The following SLC9A9 variants were observed in gnomAD, a reference collection of about 807,000 sequenced individuals.
SLC9A9 encodes solute carrier family 9 member A9.
In SLC9A9, 62 loss-of-function variants were observed where a neutral mutation model predicts 77.8. That is an observed-to-expected ratio of 0.80 (90% CI 0.65 to 0.98). SLC9A9 has a LOEUF of 0.98. SLC9A9 is among the 50% of genes least tolerant of loss of function. The pLI, the probability that SLC9A9 is intolerant of heterozygous loss-of-function variation, is 0.00. For missense variants in SLC9A9, 775 were observed against 774.9 expected (o/e 1.00, Z 0.00); for synonymous variants, 320 against 283.5 (o/e 1.13, Z -1.29).
At chr3:143,704,388 A>G (rs1170818462) in intron 4 of SLC9A9, among the ~76,000 whole-genome samples, 4 of 152,226 alleles carry the variant, frequency 2.6e-5, no homozygotes. Context: ...ACGAAGTGGA[A>G]TTTATCCCAG....
chr3:143,755,153 A>C (rs1307767321), intron 4 of SLC9A9, among the ~76,000 whole-genome samples: 1 of 152,168 alleles, frequency 6.6e-6, no homozygotes, highest in Admixed American at 6.5e-5. Context: ...GTGTTTGCAC[A>C]ATAGGTGATT....
chr3:143,539,080 C>T (rs1339379059), intron 9 of SLC9A9, among the ~76,000 whole-genome samples: 1 of 152,076 alleles, frequency 6.6e-6, no homozygotes, highest in Non-Finnish European at 1.5e-5. Flanking sequence ...AAAAATACAA[C>T]AGTAATAGTT....
chr3:143,577,775 CTGGCA>C, intron 7 of SLC9A9, among the ~76,000 whole-genome samples: 1 of 152,350 alleles, frequency 6.6e-6, no homozygotes, highest in African/African-American at 2.4e-5. Context: ...CTTCACCCCT[CTGGCA>C]CACTTCTTCC....
At chr3:143,419,132 T>C (rs6770293) in intron 12 of SLC9A9, among the ~76,000 whole-genome samples, 14,408 of 152,214 alleles carry the variant, frequency 0.095, 785 homozygotes, top group South Asian at 0.17. Flanking sequence ...TTGGTTACTA[T>C]ATTTTCTTTT....
At chr3:143,846,738 T>C (rs1238142392) in intron 1 of SLC9A9, among the ~76,000 whole-genome samples, 1 of 152,066 alleles carries the variant, frequency 6.6e-6, no homozygotes, top group Non-Finnish European at 1.5e-5. Context: ...AAGGTTTTTT[T>C]TTTTTTTGCA....
chr3:143,622,199 T>C (rs1406617839), intron 6 of SLC9A9, among the ~76,000 whole-genome samples: 7 of 152,202 alleles, frequency 4.6e-5, no homozygotes, highest in Non-Finnish European at 5.9e-5. Flanking sequence ...CTGCAGGATA[T>C]TATCCAGGAG....
At chr3:143,631,353 A>G (rs879457582) in intron 6 of SLC9A9, among the ~76,000 whole-genome samples, 6 of 152,200 alleles carry the variant, frequency 3.9e-5, no homozygotes, top group Non-Finnish European at 7.4e-5. Flanking sequence ...TATATCTTAT[A>G]CAGAACTGAA....
chr3:143,383,785 C>A (rs1366363568), intron 12 of SLC9A9, among the ~76,000 whole-genome samples: 2 of 152,192 alleles, frequency 1.3e-5, no homozygotes, highest in African/African-American at 2.4e-5. Context: ...TTCTTCAACT[C>A]TTGTTCCTCA....
chr3:143,671,572 G>A (rs1047541453), intron 5 of SLC9A9, among the ~76,000 whole-genome samples: 1 of 152,092 alleles, frequency 6.6e-6, no homozygotes, highest in African/African-American at 2.4e-5. Flanking sequence ...ATAAATCAAA[G>A]CTGTTATTTT....
intron 10 of SLC9A9, 33 bp from the exon 11 acceptor site, chr3:143,493,797 G>T (rs1449353983): frequency 6.8e-7 from 1 of 1,469,790 alleles, no homozygotes; most frequent in Non-Finnish European, 9.5e-7. Flanking sequence ...ATTGAGGAAA[G>T]TGTTGCTGCA....
At chr3:143,834,610 AAAC>A (rs1422470571) in intron 1 of SLC9A9, among the ~76,000 whole-genome samples, 1 of 136,616 alleles carries the variant, frequency 7.3e-6, no homozygotes, top group Non-Finnish European at 1.5e-5. Context: ...GCTTTCAATG[AAAC>A]AACAAGAAAT....
At chr3:143,739,758 C>A (rs1383117660) in intron 4 of SLC9A9, among the ~76,000 whole-genome samples, 1 of 152,158 alleles carries the variant, frequency 6.6e-6, no homozygotes, top group Non-Finnish European at 1.5e-5. Context: ...AACAACTAGA[C>A]CAGTGGTTCT....
At chr3:143,565,498 T>C (rs1271850871) in intron 8 of SLC9A9, among the ~76,000 whole-genome samples, 2 of 152,270 alleles carry the variant, frequency 1.3e-5, no homozygotes, top group Non-Finnish European at 2.9e-5. Context: ...GTGCAGGTTG[T>C]TTGAATATTG....
intron 9 of SLC9A9, among the ~76,000 whole-genome samples, chr3:143,537,966 A>T (rs904842476): frequency 9.9e-5 from 15 of 152,200 alleles, no homozygotes; most frequent in African/African-American, 3.6e-4. Flanking sequence ...CTTTTCACAC[A>T]TATATCACTA....
At chr3:143,769,699 C>T (rs1470175838) in intron 4 of SLC9A9, among the ~76,000 whole-genome samples, 2 of 152,128 alleles carry the variant, frequency 1.3e-5, no homozygotes, top group Non-Finnish European at 2.9e-5. Context: ...CAATACTGAC[C>T]TGAAACATTA....
chr3:143,590,645 A>C (rs1259012463), intron 6 of SLC9A9, among the ~76,000 whole-genome samples: 2 of 152,252 alleles, frequency 1.3e-5, no homozygotes, highest in Non-Finnish European at 1.5e-5. Context: ...AATCTAACAA[A>C]GCTGAACTTT....
chr3:143,372,947 A>G (rs922146848), intron 13 of SLC9A9, among the ~76,000 whole-genome samples: 3 of 152,230 alleles, frequency 2.0e-5, no homozygotes, highest in South Asian at 2.1e-4. Flanking sequence ...TTAAAAAGTC[A>G]AAAAACAATA....
chr3:143,647,753 C>CT (rs2038728747), intron 6 of SLC9A9, among the ~76,000 whole-genome samples: 1 of 151,840 alleles, frequency 6.6e-6, no homozygotes, highest in Non-Finnish European at 1.5e-5. Context: ...TTTTTTTCTT[C>CT]TTTTTTCTGC....
At chr3:143,672,275 C>T (rs1380577205) in intron 5 of SLC9A9, among the ~76,000 whole-genome samples, 1 of 151,772 alleles carries the variant, frequency 6.6e-6, no homozygotes, top group East Asian at 1.9e-4. Context: ...TGAGAAACCA[C>T]AAGTGTAATA....
Sources: gnomAD v4.1 joint callset for allele counts (sites outside exome capture counted in the v4.1 genomes callset) on GRCh38, gnomAD v4.1.1 for gene constraint, MANE v1.5 for transcripts, NCBI Gene and HGNC (gene_info 2026-07-23, HGNC 2026-07-21) for gene names.